Variants in NR3C2 observed in about 807,000 individuals in gnomAD.
NR3C2 encodes nuclear receptor subfamily 3 group C member 2, also known as mineralocorticoid receptor.
NR3C2 carries 15 observed loss-of-function variants against 86.4 expected under a neutral mutation model. The ratio of observed to expected loss-of-function variants is 0.17; its 90% CI spans 0.12 to 0.27. The LOEUF (loss-of-function observed/expected upper bound fraction) is 0.27. Ranked by LOEUF, NR3C2 falls within the 10% of genes least tolerant of loss-of-function variation. NR3C2 has a pLI of 1.00. For synonymous variants in NR3C2, 458 were observed against 450.5 expected (o/e 1.02, Z -0.21); for missense variants, 960 against 1,195.6 (o/e 0.80, Z 2.91).
chr4:148,125,237 T>A (rs79329189), intron 6 of NR3C2, among the ~76,000 whole-genome samples: 1 of 152,258 alleles, frequency 6.6e-6, no homozygotes, highest in Non-Finnish European at 1.5e-5. Context: ...AAATTTAGAC[T>A]CCACACTTGA....
chr4:148,183,512 T>C (rs1449318101), intron 4 of NR3C2, among the ~76,000 whole-genome samples: 2 of 152,212 alleles, frequency 1.3e-5, no homozygotes, highest in Non-Finnish European at 2.9e-5. Context: ...ATGATGGCCA[T>C]TCTAATTGGT....
chr4:148,289,673 C>T (rs958383657), intron 2 of NR3C2, among the ~76,000 whole-genome samples: 1 of 152,018 alleles, frequency 6.6e-6, no homozygotes, highest in African/African-American at 2.4e-5. Context: ...TGGGTTGGGC[C>T]GAGAGATTCA....
intron 4 of NR3C2, among the ~76,000 whole-genome samples, chr4:148,186,442 A>G (rs1735894788): frequency 6.6e-6 from 1 of 151,070 alleles, no homozygotes; most frequent in Non-Finnish European, 1.5e-5. Context: ...TTTGTAAGTA[A>G]TGTTCATTTT....
intron 2 of NR3C2, among the ~76,000 whole-genome samples, chr4:148,336,119 C>T (rs1265462799): frequency 1.3e-5 from 2 of 152,142 alleles, no homozygotes; most frequent in African/African-American, 4.8e-5. Flanking sequence ...CACAGACAAC[C>T]TGATTTCCCG....
intron 3 of NR3C2, among the ~76,000 whole-genome samples, chr4:148,237,160 A>G (rs1446474023): frequency 6.6e-6 from 1 of 152,210 alleles, no homozygotes; most frequent in East Asian, 1.9e-4. Flanking sequence ...GACAATCACC[A>G]AACTGTGAAA....
chr4:148,419,486 A>G (rs971481748), intron 2 of NR3C2, among the ~76,000 whole-genome samples: 1 of 152,220 alleles, frequency 6.6e-6, no homozygotes, highest in Non-Finnish European at 1.5e-5. Context: ...ACAGGCCCTC[A>G]GTGAAAAGGC....
At chr4:148,355,647 G>A (rs559816310) in intron 2 of NR3C2, among the ~76,000 whole-genome samples, 95 of 152,262 alleles carry the variant, frequency 6.2e-4, no homozygotes, top group Middle Eastern at 3.4e-3. Flanking sequence ...TACAGGAAGG[G>A]CAGGGCCATC....
At chr4:148,347,299 C>A (rs1314680730) in intron 2 of NR3C2, among the ~76,000 whole-genome samples, 1 of 151,938 alleles carries the variant, frequency 6.6e-6, no homozygotes, top group Non-Finnish European at 1.5e-5. Context: ...CCTTAACCCA[C>A]CCATGCTTCT....
At chr4:148,101,616 T>C (rs762321831) in intron 8 of NR3C2, among the ~76,000 whole-genome samples, 13 of 152,314 alleles carry the variant, frequency 8.5e-5, no homozygotes, top group South Asian at 6.2e-4. Flanking sequence ...TCCTCACATA[T>C]ATACACATAT....
intron 2 of NR3C2, among the ~76,000 whole-genome samples, chr4:148,393,844 T>C (rs1371696059): frequency 6.6e-6 from 1 of 152,044 alleles, no homozygotes; most frequent in Non-Finnish European, 1.5e-5. Context: ...AATGGTGGGG[T>C]GGTAGTTTTA....
chr4:148,314,558 C>A (rs1268495715), intron 2 of NR3C2, among the ~76,000 whole-genome samples: 15 of 151,966 alleles, frequency 9.9e-5, no homozygotes, highest in Admixed American at 6.6e-4. Context: ...TAATACAGTA[C>A]TTGAATAAAA....
chr4:148,373,575 A>T (rs1484637518), intron 2 of NR3C2, among the ~76,000 whole-genome samples: 3 of 150,254 alleles, frequency 2.0e-5, no homozygotes, highest in Admixed American at 2.0e-4. Flanking sequence ...CCCAGGTTCA[A>T]GCGATTATCC....
Position 148,279,502 on chromosome 4 carries a change from A to G in NR3C2, c.1758-19385T>C, listed in dbSNP as rs541225029. 7.2e-5 allele frequency among the ~76,000 whole-genome samples: 11 copies of G among 152,296 alleles called. No homozygotes were observed. The South Asian group carries it at 1.9e-3, about 26-fold the overall frequency. On this transcript the variant is annotated intron_variant, in intron 2 of 8. Transcript: ENST00000358102. ...AGACACTAAAAATTCATGACTAACA[A>G]TTCAAAATTAAAATATGAGCAAAGC...
rs1218884215 is a variant in NR3C2, at chr4:148,140,076, C to T, written c.2510+12393G>A. On this transcript the variant is annotated intron_variant, in intron 6 of 8. Coordinates refer to ENST00000358102, the MANE Select transcript of NR3C2 (RefSeq NM_000901.5). ...AAGCTACTATCTCTAGGTCTTGTGG[C>T]CTGTGTCAAGGGGGGAGTCTGGAGC... is the stretch of plus-strand genomic sequence containing the variant. Among the ~76,000 whole-genome samples the T allele has an allele frequency of 2.0e-5, 3 of 152,204 alleles. No individual in the cohort carries two copies. In the East Asian group the frequency reaches 5.8e-4, roughly 29 times the overall value.
intron 2 of NR3C2, among the ~76,000 whole-genome samples, chr4:148,363,506 C>CTTTTTTTTTTTTTTTTTTTTTTTTTTTT (rs58978966): frequency 1.8e-5 from 2 of 110,774 alleles, no homozygotes; most frequent in African/African-American, 6.9e-5. Context: ...TCATAGATCT[C>CTTTTTTTTTTTTTTTTTTTTTTTTTTTT]TTTTTTTTTT....
At chr4:148,256,403 AT>A (rs1399349769) in intron 3 of NR3C2, among the ~76,000 whole-genome samples, 1 of 152,206 alleles carries the variant, frequency 6.6e-6, no homozygotes, top group Non-Finnish European at 1.5e-5. Context: ...GAACTTTGGC[AT>A]TTGTTCATAG....
At chr4:148,318,920 C>T (rs2085988926) in intron 2 of NR3C2, among the ~76,000 whole-genome samples, 1 of 150,596 alleles carries the variant, frequency 6.6e-6, no homozygotes, top group Admixed American at 6.6e-5. Flanking sequence ...GTTGCCATTG[C>T]TTTTGGTGTT....
intron 2 of NR3C2, among the ~76,000 whole-genome samples, chr4:148,362,899 G>A (rs546477783): frequency 6.6e-5 from 10 of 152,084 alleles, no homozygotes; most frequent in African/African-American, 1.9e-4. Flanking sequence ...TGGCGTTTCC[G>A]TTATGACATC....
intron 3 of NR3C2, among the ~76,000 whole-genome samples, chr4:148,231,079 C>A (rs1019258427): frequency 6.6e-6 from 1 of 152,186 alleles, no homozygotes; most frequent in East Asian, 1.9e-4. Context: ...AATTTTCACC[C>A]CTTGGTGAGT....
Sources: allele counts gnomAD v4.1 joint callset (sites outside exome capture counted in the v4.1 genomes callset), GRCh38; gene constraint gnomAD v4.1.1; transcripts MANE v1.5; gene names NCBI Gene and HGNC (gene_info 2026-07-23, HGNC 2026-07-21).